ITGB3BP: variants seen among roughly 807,000 people sequenced by gnomAD.
ITGB3BP encodes centromere protein R.
ITGB3BP carries 27 observed loss-of-function variants against 29.1 expected under a neutral mutation model. That is an observed-to-expected ratio of 0.93 (90% CI 0.68 to 1.28). The LOEUF (loss-of-function observed/expected upper bound fraction) is 1.28, where lower values mean the gene tolerates loss of function less well. Ranked by LOEUF, ITGB3BP falls within the 50% of genes most tolerant of loss-of-function variation. The pLI is 0.00. For synonymous variants in ITGB3BP, 61 were observed against 61.4 expected, an observed-to-expected ratio of 0.99 and a Z score of 0.03; for missense variants, 192 against 200.2, an observed-to-expected ratio of 0.96 and a Z score of 0.25.
chr1:63,516,712 G>GAAAAAAA (rs60397963), intron 1 of ITGB3BP, among the ~76,000 whole-genome samples: 4 of 115,876 alleles, frequency 3.5e-5, no homozygotes, highest in Admixed American at 2.8e-4. Flanking sequence ...CTTGTTTCAT[G>GAAAAAAA]AAAAAAAAAA....
chr1:63,458,435 G>T (rs1644966363), intron 4 of ITGB3BP: 2 of 152,026 alleles, frequency 1.3e-5, no homozygotes, highest in Admixed American at 6.6e-5. Flanking sequence ...ATTGAAGCAG[G>T]TGTTAGCAAG....
upstream of ITGB3BP, chr1:63,527,906 A>G (rs1209178816): frequency 1.3e-5 from 2 of 152,220 alleles, no homozygotes; most frequent in African/African-American, 4.8e-5. Context: ...AACAGAAGAT[A>G]TAATTTTCTT....
intron 8 of ITGB3BP, chr1:63,442,423 C>G (rs909046805): frequency 1.3e-5 from 2 of 152,060 alleles, no homozygotes; most frequent in African/African-American, 4.8e-5. Context: ...GTAGGGAGAC[C>G]AACCCATTCT....
At chr1:63,473,463 G>A (rs1645251659) in intron 4 of ITGB3BP, among the ~76,000 whole-genome samples, 3 of 142,630 alleles carry the variant, frequency 2.1e-5, no homozygotes, top group East Asian at 4.5e-4. Context: ...GCCCCGTCCA[G>A]GAGGGAGGTG....
At chr1:63,460,264 C>T (rs946844108) in intron 4 of ITGB3BP, among the ~76,000 whole-genome samples, 3 of 152,188 alleles carry the variant, frequency 2.0e-5, no homozygotes, top group African/African-American at 4.8e-5. Context: ...TCTATTACTA[C>T]AAACAGAAAC....
At chr1:63,518,069 T>A (rs1173476838) in intron 1 of ITGB3BP, among the ~76,000 whole-genome samples, 3 of 152,200 alleles carry the variant, frequency 2.0e-5, no homozygotes, top group Non-Finnish European at 4.4e-5. Flanking sequence ...GTGTGTGCTT[T>A]TTTGAATAGA....
intron 4 of ITGB3BP, among the ~76,000 whole-genome samples, chr1:63,473,791 A>G (rs1396122370): frequency 7.8e-5 from 3 of 38,586 alleles, no homozygotes; most frequent in African/African-American, 9.5e-5. Context: ...TCCGGGAGGG[A>G]GGTGGGGGGG....
chr1:63,493,086 A>G (rs867055119), intron 2 of ITGB3BP, among the ~76,000 whole-genome samples: 81 of 134,592 alleles, frequency 6.0e-4, no homozygotes, highest in Middle Eastern at 4.1e-3. Flanking sequence ...ACACACACAC[A>G]CACGCGCGCG....
chr1:63,444,528 A>C (rs1452914463), intron 8 of ITGB3BP, among the ~76,000 whole-genome samples: 1 of 147,728 alleles, frequency 6.8e-6, no homozygotes, highest in Admixed American at 6.8e-5. Context: ...ATATATGTAC[A>C]TATATGTAGG....
chr1:63,498,899 A>C (rs924210421), intron 2 of ITGB3BP, among the ~76,000 whole-genome samples: 1 of 152,088 alleles, frequency 6.6e-6, no homozygotes, highest in Non-Finnish European at 1.5e-5. Context: ...GGAATGAAAA[A>C]GGGATGTTAC....
intron 2 of ITGB3BP, among the ~76,000 whole-genome samples, chr1:63,504,236 G>GT (rs1195090762): frequency 6.6e-6 from 1 of 151,900 alleles, no homozygotes; most frequent in Non-Finnish European, 1.5e-5. Context: ...CACATCCCTT[G>GT]TAAGTTGGAT....
chr1:63,442,153 A>G (rs1644738783), intron 8 of ITGB3BP, among the ~76,000 whole-genome samples: 1 of 151,916 alleles, frequency 6.6e-6, no homozygotes, highest in African/African-American at 2.4e-5. Flanking sequence ...GTGAATTCCC[A>G]TAACACTGCT....
intron 4 of ITGB3BP, among the ~76,000 whole-genome samples, chr1:63,472,465 C>T (rs1428138249): frequency 6.8e-6 from 1 of 146,798 alleles, no homozygotes; most frequent in African/African-American, 2.5e-5. Flanking sequence ...CTCCCCTCTC[C>T]CCTCTCCCCT....
At chr1:63,511,640 A>T (rs1415346839) in intron 1 of ITGB3BP, among the ~76,000 whole-genome samples, 1 of 152,162 alleles carries the variant, frequency 6.6e-6, no homozygotes, top group African/African-American at 2.4e-5. Context: ...ATGTGCTACA[A>T]CATGGATGAA....
At chr1:63,482,270 CAAAAAAAA>C (rs376500389) in intron 3 of ITGB3BP, among the ~76,000 whole-genome samples, 1 of 59,354 alleles carries the variant, frequency 1.7e-5, no homozygotes, top group Non-Finnish European at 2.9e-5. Flanking sequence ...GACTCCATCT[CAAAAAAAA>C]AAAAAAAAAA....
At chr1:63,479,148 C>A (rs537242533) in intron 3 of ITGB3BP, among the ~76,000 whole-genome samples, 90 of 152,148 alleles carry the variant, frequency 5.9e-4, no homozygotes, top group African/African-American at 2.1e-3. Flanking sequence ...AGGATACTTT[C>A]ATCAAATATT....
chr1:63,459,607 T>TA (rs1326491686), intron 4 of ITGB3BP, among the ~76,000 whole-genome samples: 1 of 152,164 alleles, frequency 6.6e-6, no homozygotes, highest in African/African-American at 2.4e-5. Flanking sequence ...GCACTATACT[T>TA]ACTACTTTAC....
chr1:63,516,958 G>C (rs1339819915), intron 1 of ITGB3BP, among the ~76,000 whole-genome samples: 1 of 151,700 alleles, frequency 6.6e-6, no homozygotes, highest in African/African-American at 2.4e-5. Context: ...ATATATCCTT[G>C]TAACAAATCT....
At chr1:63,455,696 TA>T (rs1183789027) in intron 4 of ITGB3BP, among the ~76,000 whole-genome samples, 1 of 152,156 alleles carries the variant, frequency 6.6e-6, no homozygotes, top group Admixed American at 6.6e-5. Context: ...GTAAACATAC[TA>T]AAAATGATTT....
Sources: gnomAD v4.1 joint callset for allele counts (sites outside exome capture counted in the v4.1 genomes callset) on GRCh38, gnomAD v4.1.1 for gene constraint, MANE v1.5 for transcripts, NCBI Gene and HGNC (gene_info 2026-07-23, HGNC 2026-07-21) for gene names.